CARMIL1: variants seen among roughly 807,000 people sequenced by gnomAD.
CARMIL1 encodes F-actin-uncapping protein LRRC16A.
CARMIL1 carries 90 observed loss-of-function variants against 177.1 expected under a neutral mutation model. The ratio of observed to expected loss-of-function variants is 0.51; its 90% confidence interval spans 0.43 to 0.61. The LOEUF (loss-of-function observed/expected upper bound fraction) is 0.61. Among genes scored for constraint, CARMIL1 ranks in the 20% least tolerant of loss-of-function variants. The pLI is 0.00. For missense variants in CARMIL1, 1,380 were observed against 1,667.0 expected, an observed-to-expected ratio of 0.83 and a Z score of 3.00; for synonymous variants, 577 against 606.2, an observed-to-expected ratio of 0.95 and a Z score of 0.71.
chr6:25,477,268 G>A (rs939153291), intron 11 of CARMIL1, among the ~76,000 whole-genome samples: 29 of 152,106 alleles, frequency 1.9e-4, no homozygotes, highest in Non-Finnish European at 4.0e-4. Context: ...TGATATGAAT[G>A]TTGATGCAGC....
At chr6:25,595,210 A>G in intron 32 of CARMIL1, among the ~76,000 whole-genome samples, 1 of 152,204 alleles carries the variant, frequency 6.6e-6, no homozygotes, top group East Asian at 1.9e-4. Flanking sequence ...TTAATCCTCA[A>G]CTAAATACAA....
At chr6:25,342,767 G>A (rs558032909) in intron 2 of CARMIL1, among the ~76,000 whole-genome samples, 1 of 152,144 alleles carries the variant, frequency 6.6e-6, no homozygotes, top group East Asian at 1.9e-4. Flanking sequence ...ACTGTCTAGG[G>A]TATTTAGGCA....
chr6:25,525,904 GAAAC>G (rs2151090410), intron 23 of CARMIL1, among the ~76,000 whole-genome samples: 2 of 152,092 alleles, frequency 1.3e-5, no homozygotes, highest in South Asian at 2.1e-4. Context: ...AAAGATAAAA[GAAAC>G]AAAGGACAAA....
At chr6:25,501,745 T>C (rs1213768696) in intron 17 of CARMIL1, among the ~76,000 whole-genome samples, 1 of 152,158 alleles carries the variant, frequency 6.6e-6, no homozygotes, top group African/African-American at 2.4e-5. Context: ...TATGTCATAC[T>C]ATATTTTGTA....
At chr6:25,564,554 G>C (rs944321661) in intron 29 of CARMIL1, among the ~76,000 whole-genome samples, 1 of 152,138 alleles carries the variant, frequency 6.6e-6, no homozygotes, top group African/African-American at 2.4e-5. Context: ...ATACATCCAG[G>C]TGAGATTGCA....
At chr6:25,594,729 C>T (rs1439720450) in intron 32 of CARMIL1, among the ~76,000 whole-genome samples, 1 of 152,128 alleles carries the variant, frequency 6.6e-6, no homozygotes, top group African/African-American at 2.4e-5. Context: ...ACTCCTACCC[C>T]AGACCTACTG....
chr6:25,363,278 A>G (rs1268005897), intron 2 of CARMIL1, among the ~76,000 whole-genome samples: 1 of 152,186 alleles, frequency 6.6e-6, no homozygotes, highest in East Asian at 1.9e-4. Flanking sequence ...GGGATGGTAT[A>G]TGCAGCATTT....
Position 25,558,387 on chromosome 6 carries a change from T to C in CARMIL1, c.2742+1537T>C, listed in dbSNP as rs566286086. Among the ~76,000 whole-genome samples, 50 of 152,338 alleles carry C rather than the reference T, an allele frequency of 3.3e-4. 1 individual carries two copies. The highest frequency in any genetic ancestry group is 1.8e-3 in the Admixed American group (27 of 15,302). ...GGTTATGAAAGACTGGCTCACCTAC[T>C]GTAACGTTGGTTTTAAACTGTGTAA... is the stretch of plus-strand genomic sequence containing the variant. On this transcript the variant is annotated intron_variant, in intron 29 of 36. Transcript: ENST00000329474. This position sits in a 1 kb window ranked among gnomAD's most constrained non-coding sequence, Gnocchi z 4.1.
chr6:25,520,083 A>G (rs1275634179), intron 22 of CARMIL1, among the ~76,000 whole-genome samples, 161 bp from the exon 23 acceptor site: 1 of 152,236 alleles, frequency 6.6e-6, no homozygotes, highest in African/African-American at 2.4e-5. Flanking sequence ...TGTGGTTATT[A>G]CAAAGGATAA....
At chr6:25,292,997 A>G (rs1290981695) in intron 2 of CARMIL1, among the ~76,000 whole-genome samples, 1 of 152,192 alleles carries the variant, frequency 6.6e-6, no homozygotes, top group Non-Finnish European at 1.5e-5. Context: ...ATTTCATTGG[A>G]AACGCTGTTA....
At chr6:25,564,776 TA>T (rs761311903) in intron 29 of CARMIL1, among the ~76,000 whole-genome samples, 41 of 148,962 alleles carry the variant, frequency 2.8e-4, no homozygotes, top group South Asian at 1.1e-3. Context: ...CTTTACTCAT[TA>T]AAAAAAAAAT....
rs1811487876 is a variant in CARMIL1, at chr6:25,565,605, G to A, written c.2742+8755G>A. On this transcript the variant is annotated intron_variant, in intron 29 of 36. Coordinates refer to ENST00000329474, the MANE Select transcript of CARMIL1 (RefSeq NM_017640.6). ...CTCACGCCTGTAATCCTAGCACTTT[G>A]GGAGGCCGAGGCGGGCAGATCATGA... is the stretch of plus-strand genomic sequence containing the variant. Among the ~76,000 whole-genome samples, 3 of 152,176 alleles carry A rather than the reference G, an allele frequency of 2.0e-5. No individual in the cohort carries two copies. The South Asian group carries it at 6.2e-4, about 32-fold the overall frequency.
Position 25,606,259 on chromosome 6 carries a change from C to T in CARMIL1, c.3833C>T (p.Thr1278Ile). 6.2e-7 allele frequency: 1 copy of T among 1,613,504 alleles called. No individual in the cohort carries two copies. The highest frequency in any genetic ancestry group is 8.5e-7 in the Non-Finnish European group (1 of 1,179,724). ...ARPVIPQKPR[T>I]ASRPDDIPDS... ...CCCGTCATCCCGCAGAAACCAAGAA[C>T]CGCCTCACGGCCTGGTAAGAGTTTT... Residue 1278 changes from threonine to isoleucine, a missense_variant, in exon 35 of 37, where the codon ACC (threonine) becomes ATC (isoleucine). Transcript: ENST00000329474.
intron 24 of CARMIL1, among the ~76,000 whole-genome samples, chr6:25,530,728 G>T (rs919077457): frequency 3.3e-5 from 5 of 152,092 alleles, no homozygotes; most frequent in African/African-American, 1.2e-4. Flanking sequence ...AAACAGAAAA[G>T]TACGCAATAT....
chr6:25,554,164 G>C lies in CARMIL1; in HGVS notation c.2592+68G>C, dbSNP rs973255169. On this transcript the variant is annotated intron_variant, in intron 28 of 36. Coordinates refer to ENST00000329474, the MANE Select transcript of CARMIL1 (RefSeq NM_017640.6). This position sits in a 1 kb window ranked among gnomAD's most constrained non-coding sequence, Gnocchi z 4.6. ...TCTGCTGTGATGCAGGATGACTTCC[G>C]GTGTGGGGATGTGATTTCTTTTCTG... 9.3e-7 allele frequency: 1 copy of C among 1,075,600 alleles called. No individual in the cohort carries two copies. The highest frequency in any genetic ancestry group is 1.4e-6 in the Non-Finnish European group (1 of 713,916). 66.6% of individuals were successfully genotyped at this position (1,075,600 alleles called of 1,614,324 possible).
chr6:25,444,319 A>G (rs1179348397), intron 5 of CARMIL1, among the ~76,000 whole-genome samples: 1 of 152,020 alleles, frequency 6.6e-6, no homozygotes, highest in Non-Finnish European at 1.5e-5. Context: ...CTCAAGGGAC[A>G]TTAAAAAAAA....
intron 4 of CARMIL1, among the ~76,000 whole-genome samples, chr6:25,430,651 G>A (rs1429696050): frequency 6.6e-6 from 1 of 151,760 alleles, no homozygotes; most frequent in Non-Finnish European, 1.5e-5. Flanking sequence ...GGCTCGACTC[G>A]AACTTCTGAG....
At chr6:25,456,081 T>C (rs1254523981) in intron 8 of CARMIL1, among the ~76,000 whole-genome samples, 2 of 152,186 alleles carry the variant, frequency 1.3e-5, no homozygotes, top group East Asian at 3.9e-4. Flanking sequence ...GTGCCCCTTA[T>C]ATCATGTGAT....
chr6:25,323,247 A>AAAAGAATATT (rs1171673041), intron 2 of CARMIL1, among the ~76,000 whole-genome samples: 2 of 151,774 alleles, frequency 1.3e-5, no homozygotes, highest in African/African-American at 4.8e-5. Context: ...GTATTGGTAG[A>AAAAGAATATT]AAAGAATATT....
Sources: gnomAD v4.1 joint callset for allele counts (sites outside exome capture counted in the v4.1 genomes callset) on GRCh38, gnomAD v4.1.1 for gene constraint, Gnocchi (gnomAD v3.1) non-coding constraint, MANE v1.5 for transcripts, NCBI Gene and HGNC (gene_info 2026-07-23, HGNC 2026-07-21) for gene names.